PPHLN1: variants seen among roughly 807,000 people sequenced by gnomAD.
PPHLN1 encodes the protein periphilin 1, also known as periphilin-1.
Under a neutral mutation model 51.3 loss-of-function variants are expected in PPHLN1, and 29 were observed. The ratio of observed to expected loss-of-function variants is 0.57; its 90% CI spans 0.42 to 0.77. The LOEUF (loss-of-function observed/expected upper bound fraction) is 0.77, where lower values mean the gene tolerates loss of function less well. Ranked by LOEUF, PPHLN1 falls within the 30% of genes least tolerant of loss-of-function variation. The pLI is 0.00. For synonymous variants in PPHLN1, 147 were observed against 147.8 expected, an observed-to-expected ratio of 0.99 and a Z score of 0.04; for missense variants, 436 against 438.4, an observed-to-expected ratio of 0.99 and a Z score of 0.05.
rs139655996 is a variant in PPHLN1, at chr12:42,411,511, A to T, written c.909+12517A>T. Among the ~76,000 whole-genome samples the T allele has an allele frequency of 6.5e-3, 996 of 152,326 alleles. 12 individuals are homozygous for T. Among genetic ancestry groups the T allele is most frequent in the African/African-American group, 0.023 (954 of 41,564 alleles). On this transcript the variant is annotated intron_variant, in intron 9 of 9. Transcript: ENST00000358314. ...AAGGGACGAACATAGAAATGATAAC[A>T]AAAAACAAAAGAAACTGTTTTAAGG...
intron 9 of PPHLN1, among the ~76,000 whole-genome samples, chr12:42,428,603 T>C (rs1205277019): frequency 6.6e-6 from 1 of 152,010 alleles, no homozygotes; most frequent in Non-Finnish European, 1.5e-5. Context: ...CAGTGGACTT[T>C]GGAGACTCAG....
intron 9 of PPHLN1, chr12:42,432,071 A>C: frequency 6.4e-7 from 1 of 1,571,710 alleles, no homozygotes; most frequent in Non-Finnish European, 8.8e-7. Context: ...CACGTGGTCC[A>C]CCACGACCTC....
intron 9 of PPHLN1, among the ~76,000 whole-genome samples, chr12:42,439,290 A>G (rs1358857748): frequency 3.9e-5 from 6 of 152,214 alleles, no homozygotes; most frequent in Non-Finnish European, 8.8e-5. Flanking sequence ...GTACTGCTCA[A>G]CTTGTTGAAG....
intron 9 of PPHLN1, among the ~76,000 whole-genome samples, chr12:42,418,140 T>G (rs1407795375): frequency 6.7e-6 from 1 of 149,622 alleles, no homozygotes; most frequent in Non-Finnish European, 1.5e-5. Context: ...AGGGTTTCAC[T>G]GTGTTAGCCA....
At chr12:42,445,174 CACTGCCTG>C (rs1444931746), downstream of PPHLN1, 4 of 701,052 alleles carry the variant, frequency 5.7e-6, no homozygotes, top group East Asian at 1.1e-4. Context: ...GCCCACAGCT[CACTGCCTG>C]ACCCACTGGC....
intron 4 of PPHLN1, among the ~76,000 whole-genome samples, chr12:42,372,482 C>T (rs546559894): frequency 6.6e-6 from 1 of 152,224 alleles, no homozygotes; most frequent in South Asian, 2.1e-4. Flanking sequence ...AATAAGAGCT[C>T]ATATAATTTC....
intron 1 of PPHLN1, among the ~76,000 whole-genome samples, chr12:42,333,788 C>G (rs1191181080): frequency 6.6e-6 from 1 of 152,152 alleles, no homozygotes; most frequent in East Asian, 1.9e-4. Context: ...GGCCAACCTC[C>G]TTTACTAACC....
chr12:42,347,201 T>C (rs1349979387), intron 2 of PPHLN1: 1 of 152,262 alleles, frequency 6.6e-6, no homozygotes, highest in Non-Finnish European at 1.5e-5. Context: ...CCTAGAAAGC[T>C]GCCTACAGCT....
In PPHLN1 at chr12:42,384,930, C is replaced by T. The variant is rs755022410; in HGVS notation, c.512-10C>T. ...CTGCTGTTAATTCCTCCCTGCCCAC[C>T]TTTCCATAGAGTCCGTGCGTCCTGG... On this transcript the variant is annotated splice_polypyrimidine_tract_variant and intron_variant, in intron 5 of 9. Transcript: ENST00000358314. 5 of 1,602,832 alleles carry T rather than the reference C, an allele frequency of 3.1e-6. No individual in the cohort carries two copies. The East Asian group carries it at 1.1e-4, about 36-fold the overall frequency.
At chr12:42,330,236 A>G (rs1039559717) in intron 1 of PPHLN1, among the ~76,000 whole-genome samples, 1 of 152,190 alleles carries the variant, frequency 6.6e-6, no homozygotes, top group Admixed American at 6.5e-5. Context: ...CAAATGTACA[A>G]TCGGGTTTTA....
intron 4 of PPHLN1, among the ~76,000 whole-genome samples, chr12:42,357,052 G>A (rs12580906): frequency 0.16 from 24,756 of 152,104 alleles, 2,065 homozygotes; most frequent in Admixed American, 0.2. Context: ...TGTAATGAGT[G>A]ATAGGAATAA....
intron 4 of PPHLN1, among the ~76,000 whole-genome samples, chr12:42,359,884 G>T (rs1329163347): frequency 7.9e-5 from 12 of 152,114 alleles, no homozygotes; most frequent in Non-Finnish European, 1.5e-4. Context: ...GAGACAGGCA[G>T]ATCACATGAG....
At chr12:42,421,865 T>C (rs2139701304) in intron 9 of PPHLN1, among the ~76,000 whole-genome samples, 1 of 152,180 alleles carries the variant, frequency 6.6e-6, no homozygotes, top group South Asian at 2.1e-4. Context: ...TTTTTTTTTT[T>C]GGTGTAGGAT....
chr12:42,331,592 A>C (rs1475590524), intron 1 of PPHLN1, among the ~76,000 whole-genome samples: 2 of 152,230 alleles, frequency 1.3e-5, no homozygotes, highest in African/African-American at 4.8e-5. Context: ...ATGGTATATT[A>C]AACATACCGT....
At chr12:42,328,232 G>GT (rs1408648670) in intron 1 of PPHLN1, among the ~76,000 whole-genome samples, 2 of 152,172 alleles carry the variant, frequency 1.3e-5, no homozygotes, top group African/African-American at 4.8e-5. Context: ...GTGGTAGTAT[G>GT]TGTTAGTCTG....
intron 4 of PPHLN1, among the ~76,000 whole-genome samples, chr12:42,368,683 T>C (rs2075512838): frequency 6.6e-6 from 1 of 152,218 alleles, no homozygotes; most frequent in African/African-American, 2.4e-5. Flanking sequence ...GAATGGGAAA[T>C]ACTAATATTT....
chr12:42,348,276 ATTTTTTTTTTT>A (rs1213561958), intron 2 of PPHLN1, among the ~76,000 whole-genome samples: 1 of 85,610 alleles, frequency 1.2e-5, no homozygotes, highest in African/African-American at 4.9e-5. Context: ...CACCTGGCTA[ATTTTTTTTTTT>A]TTTTTTTTTT....
intron 2 of PPHLN1, among the ~76,000 whole-genome samples, chr12:42,336,329 A>G (rs764264242): frequency 1.1e-4 from 17 of 152,270 alleles, no homozygotes; most frequent in Non-Finnish European, 1.6e-4. Flanking sequence ...ATTTTTTTCT[A>G]TATTCCTAAA....
chr12:42,374,946 CT>C lies in PPHLN1; in HGVS notation c.389del (p.Phe130SerfsTer69). ...RERSPYKRDN[T>X]FFRESPVGRK... Reference sequence around the variant, plus strand: ...CGGTCTCCTTATAAAAGGGACAATACTTTTTTCAGAGAATCACCTGTTGGCC... The same window carrying C: ...CGGTCTCCTTATAAAAGGGACAATACTTTTTCAGAGAATCACCTGTTGGCC... On this transcript the variant is annotated frameshift_variant, in exon 5 of 10. Coordinates refer to ENST00000358314, the MANE Select transcript of PPHLN1 (RefSeq NM_201439.2). LOFTEE classifies it high-confidence loss of function. 2 of 1,612,604 alleles carry C rather than the reference CT, an allele frequency of 1.2e-6. No homozygotes were observed. Among genetic ancestry groups the C allele is most frequent in the Non-Finnish European group, 1.7e-6 (2 of 1,179,434 alleles).
Sources: allele counts gnomAD v4.1 joint callset (sites outside exome capture counted in the v4.1 genomes callset), GRCh38; gene constraint gnomAD v4.1.1; transcripts MANE v1.5; gene names NCBI Gene and HGNC (gene_info 2026-07-23, HGNC 2026-07-21).